NEDD4: variants seen among roughly 807,000 people sequenced by gnomAD.
NEDD4 encodes NEDD4 E3 ubiquitin protein ligase.
Under a neutral mutation model 144.9 loss-of-function variants are expected in NEDD4, and 99 were observed. The ratio of observed to expected loss-of-function variants is 0.68; its 90% CI spans 0.58 to 0.81. NEDD4 has a LOEUF of 0.81. NEDD4 is among the 30% of genes least tolerant of loss of function. The pLI, the probability that NEDD4 is intolerant of heterozygous loss-of-function variation, is 0.00. For missense variants in NEDD4, 985 were observed against 1,065.9 expected, an observed-to-expected ratio of 0.92 and a Z score of 1.06; for synonymous variants, 318 against 350.6, an observed-to-expected ratio of 0.91 and a Z score of 1.04.
chr15:55,923,615 C>T (rs1315823679), intron 5 of NEDD4, among the ~76,000 whole-genome samples: 2 of 148,956 alleles, frequency 1.3e-5, no homozygotes, highest in Non-Finnish European at 3.0e-5. Flanking sequence ...CCACTGTGCT[C>T]CCACCTGGCG....
chr15:55,981,469 T>C (rs1218368535), intron 1 of NEDD4, among the ~76,000 whole-genome samples: 1 of 152,118 alleles, frequency 6.6e-6, no homozygotes, highest in African/African-American at 2.4e-5. Context: ...CTTCCTCTGG[T>C]ATGTAAATTT....
chr15:55,908,036 G>A (rs1193080696), intron 5 of NEDD4, among the ~76,000 whole-genome samples: 5 of 152,280 alleles, frequency 3.3e-5, no homozygotes, highest in African/African-American at 1.2e-4. Context: ...AAAGGATGAA[G>A]CATCACGTAG....
At chr15:55,964,825 T>C (rs1309910653) in intron 2 of NEDD4, among the ~76,000 whole-genome samples, 1 of 152,024 alleles carries the variant, frequency 6.6e-6, no homozygotes. Flanking sequence ...TGGGTCTCGG[T>C]TGGAGGTATT....
At chr15:55,927,951 T>G (rs1463832699) in intron 4 of NEDD4, among the ~76,000 whole-genome samples, 11 of 152,214 alleles carry the variant, frequency 7.2e-5, no homozygotes, top group Admixed American at 7.2e-4. Context: ...TGAATATTGC[T>G]AAGAAACTAA....
At chr15:55,984,744 C>T (rs2037862461) in intron 1 of NEDD4, among the ~76,000 whole-genome samples, 2 of 152,236 alleles carry the variant, frequency 1.3e-5, no homozygotes, top group Non-Finnish European at 2.9e-5. Context: ...TATCTCCAGA[C>T]TTCTCCTATC....
intron 8 of NEDD4, among the ~76,000 whole-genome samples, chr15:55,867,650 AATT>A (rs2034629828): frequency 6.6e-6 from 1 of 152,250 alleles, no homozygotes; most frequent in Non-Finnish European, 1.5e-5. Context: ...CTTTAAAAAC[AATT>A]ATACGAAAAT....
chr15:55,942,274 T>C (rs1226988605), intron 4 of NEDD4, among the ~76,000 whole-genome samples: 1 of 152,174 alleles, frequency 6.6e-6, no homozygotes, highest in African/African-American at 2.4e-5. Context: ...TGTCCTGAAG[T>C]CTAATTTGGC....
intron 2 of NEDD4, among the ~76,000 whole-genome samples, chr15:55,952,477 CCT>C (rs2037259706): frequency 6.6e-6 from 1 of 152,174 alleles, no homozygotes; most frequent in Non-Finnish European, 1.5e-5. Flanking sequence ...TTAAATTTCT[CCT>C]GTTTTCCTCG....
chr15:55,989,938 C>T (rs2037962244), intron 1 of NEDD4, among the ~76,000 whole-genome samples: 1 of 152,094 alleles, frequency 6.6e-6, no homozygotes, highest in African/African-American at 2.4e-5. Flanking sequence ...GCTCTGCTGC[C>T]TGTCAGATCA....
chr15:55,870,141 A>G (rs1322670650), intron 7 of NEDD4, among the ~76,000 whole-genome samples: 3 of 152,204 alleles, frequency 2.0e-5, no homozygotes, highest in African/African-American at 7.2e-5. Flanking sequence ...AGGGGACTAC[A>G]GGAGATTGGG....
intron 1 of NEDD4, among the ~76,000 whole-genome samples, chr15:55,988,487 T>TAAAAAAAAAAAAAAAAAAAAAAA (rs56688563): frequency 3.7e-4 from 38 of 101,694 alleles, no homozygotes; most frequent in East Asian, 8.6e-4. Flanking sequence ...AAAAAAAAAT[T>TAAAAAAAAAAAAAAAAAAAAAAA]AAAAAAAAAA....
intron 1 of NEDD4, among the ~76,000 whole-genome samples, chr15:55,986,514 G>T (rs2037893811): frequency 6.9e-6 from 1 of 144,006 alleles, no homozygotes; most frequent in Non-Finnish European, 1.5e-5. Context: ...TGGTCATCAA[G>T]AAACACTAAA....
In NEDD4 at chr15:55,966,438, A is replaced by G. The variant is rs372610168; in HGVS notation, c.119+35T>C. 22 of 1,313,048 alleles carry G rather than the reference A, an allele frequency of 1.7e-5. No homozygotes were observed. The African/African-American group carries it at 3.2e-4, about 19-fold the overall frequency. 81.3% of individuals were successfully genotyped at this position (1,313,048 alleles called of 1,614,324 possible). A position where few individuals can be genotyped will look rare whatever the true frequency, so the allele number is the denominator to read the frequency against. On this transcript the variant is annotated intron_variant, in intron 2 of 28. Transcript: ENST00000435532. Reference sequence around the variant, plus strand: ...GGAAAAAACTAATTAACAAATGCAAAGTTTTAAAATTATAATCCAAATAGA... The same window carrying G: ...GGAAAAAACTAATTAACAAATGCAAGGTTTTAAAATTATAATCCAAATAGA...
chr15:55,831,169 C>T (rs544477000), intron 27 of NEDD4, among the ~76,000 whole-genome samples: 1 of 152,318 alleles, frequency 6.6e-6, no homozygotes, highest in South Asian at 2.1e-4. Context: ...ATCTGCCTGC[C>T]TCAGTCTCCC....
intron 1 of NEDD4, among the ~76,000 whole-genome samples, chr15:55,986,762 T>A (rs2037902960): frequency 6.6e-6 from 1 of 150,542 alleles, no homozygotes; most frequent in South Asian, 2.1e-4. Context: ...GCTAATTTTT[T>A]TTTTTTGTAT....
rs2033460409 is a variant in NEDD4 at position 55,840,653 on chromosome 15, A to G, written c.1913T>C (p.Ile638Thr). The change falls in exon 20 of 29, where the codon ATT becomes ACT. Residue 638 changes from isoleucine to threonine, a missense_variant. Ile to Thr is a moderately conservative substitution (Grantham distance 89). Transcript: ENST00000435532. The stretch of plus-strand genomic sequence containing the variant: ...AACTGCCATTCCAGCTACCCGACCA[A>G]TAAACTTGAAGTAAGAGAGGTGATC... Reference protein sequence around the residue: ...NEDHLSYFKFIGRVAGMAVYH... With the variant: ...NEDHLSYFKFTGRVAGMAVYH... 1 of 1,614,044 alleles carries G rather than the reference A, an allele frequency of 6.2e-7. No individual in the cohort carries two copies. Among genetic ancestry groups the G allele is most frequent in the African/African-American group, 1.3e-5 (1 of 74,948 alleles).
At chr15:55,836,334 AC>A (rs2033193407) in intron 24 of NEDD4, among the ~76,000 whole-genome samples, 1 of 1,926 alleles carries the variant, frequency 5.2e-4, no homozygotes, top group East Asian at 0.062. Context: ...AGTATGTGAC[AC>A]ACACACACAC....
chr15:55,919,912 A>T (rs925810176), intron 5 of NEDD4, among the ~76,000 whole-genome samples: 1 of 152,178 alleles, frequency 6.6e-6, no homozygotes, highest in African/African-American at 2.4e-5. Context: ...TATGGTACCC[A>T]CTTGTTTGGT....
At chr15:55,830,216 G>A (rs2032883024) in intron 28 of NEDD4, among the ~76,000 whole-genome samples, 1 of 152,186 alleles carries the variant, frequency 6.6e-6, no homozygotes, top group African/African-American at 2.4e-5. Context: ...TCTTCCAAAT[G>A]TCTGAGTTCT....
Sources: gnomAD v4.1 joint callset for allele counts (sites outside exome capture counted in the v4.1 genomes callset) on GRCh38, gnomAD v4.1.1 for gene constraint, MANE v1.5 for transcripts, NCBI Gene and HGNC (gene_info 2026-07-23, HGNC 2026-07-21) for gene names.